Variants in MYO5B observed in about 807,000 individuals in gnomAD.
The protein encoded by MYO5B is unconventional myosin-Vb.
In MYO5B, 143 loss-of-function variants were observed where a neutral mutation model predicts 229.3. The observed-to-expected ratio is 0.62, with a 90% confidence interval of 0.54 to 0.72. The LOEUF is 0.72. MYO5B is among the 30% of genes least tolerant of loss of function. The probability of loss-of-function intolerance (pLI) is 0.00; values close to 1 mark genes in which losing one functional copy is unlikely to be tolerated. For synonymous variants in MYO5B, 918 were observed against 885.2 expected, an observed-to-expected ratio of 1.04 and a Z score of -0.66; for missense variants, 2,321 against 2,331.0, an observed-to-expected ratio of 1.00 and a Z score of 0.09.
intron 1 of MYO5B, among the ~76,000 whole-genome samples, chr18:50,149,583 G>C (rs1422283312): frequency 1.3e-5 from 2 of 149,616 alleles, no homozygotes; most frequent in Non-Finnish European, 3.0e-5. Context: ...AAGCAATGGG[G>C]AAAGGATTCC....
intron 1 of MYO5B, among the ~76,000 whole-genome samples, chr18:50,081,198 T>C (rs2031211962): frequency 6.6e-6 from 1 of 152,062 alleles, no homozygotes; most frequent in Non-Finnish European, 1.5e-5. Context: ...CTTCAGTGGG[T>C]CCTTCTGTTG....
intron 4 of MYO5B, among the ~76,000 whole-genome samples, chr18:50,024,582 G>A (rs577957942): frequency 3.3e-5 from 5 of 152,176 alleles, no homozygotes; most frequent in South Asian, 4.2e-4. Context: ...ATTAATTTCC[G>A]TCATCTTTTG....
chr18:50,149,766 C>A (rs143035602), intron 1 of MYO5B, among the ~76,000 whole-genome samples: 5 of 151,682 alleles, frequency 3.3e-5, no homozygotes, highest in Non-Finnish European at 5.9e-5. Flanking sequence ...ATTCAGGACA[C>A]AGGCACGGGC....
intron 17 of MYO5B, among the ~76,000 whole-genome samples, chr18:49,915,656 A>C (rs2025005640): frequency 6.6e-6 from 1 of 152,262 alleles, no homozygotes; most frequent in Non-Finnish European, 1.5e-5. Context: ...TTAACAATGG[A>C]AACATTTAAG....
chr18:50,129,722 A>G (rs1277666803), intron 1 of MYO5B, among the ~76,000 whole-genome samples: 2 of 152,212 alleles, frequency 1.3e-5, no homozygotes, highest in African/African-American at 4.8e-5. Context: ...AGTCCAGGCA[A>G]GAATCTAGAT....
intron 8 of MYO5B, among the ~76,000 whole-genome samples, chr18:49,984,222 C>T (rs539407856): frequency 3.9e-5 from 6 of 152,346 alleles, no homozygotes; most frequent in African/African-American, 7.2e-5. Context: ...AGGATTCCAA[C>T]GCTAAAGCTC....
At chr18:49,963,968 A>T (rs1486383401) in intron 10 of MYO5B, among the ~76,000 whole-genome samples, 2 of 152,142 alleles carry the variant, frequency 1.3e-5, no homozygotes, top group African/African-American at 2.4e-5. Context: ...CTTAATTAAC[A>T]CAGGTGCCCA....
intron 4 of MYO5B, among the ~76,000 whole-genome samples, chr18:50,018,748 G>A (rs2026243199): frequency 6.6e-6 from 1 of 152,170 alleles, no homozygotes; most frequent in African/African-American, 2.4e-5. Context: ...TTCTTACGAT[G>A]ATAAAGGGGG....
intron 1 of MYO5B, among the ~76,000 whole-genome samples, chr18:50,157,132 G>C (rs1336787843): frequency 6.6e-6 from 1 of 151,508 alleles, no homozygotes; most frequent in South Asian, 2.1e-4. Flanking sequence ...GGGGGACGGA[G>C]TCTCGCTCTG....
At position 49,872,250 on chromosome 18, in the gene MYO5B, C is replaced by A; in HGVS notation, c.3538-18G>T. 1 of 1,613,468 alleles carries A rather than the reference C, an allele frequency of 6.2e-7. No homozygotes were observed. The highest frequency in any genetic ancestry group is 1.1e-5 in the South Asian group (1 of 91,060). On this transcript the variant is annotated intron_variant, in intron 26 of 39. Transcript: ENST00000285039. ...GGTTCCGCCTGCATGGATAGAGACA[C>A]AAAGATAAGTGCAGACCTCGAGCAA...
At chr18:50,087,443 C>A (rs184007520) in intron 1 of MYO5B, among the ~76,000 whole-genome samples, 1 of 151,762 alleles carries the variant, frequency 6.6e-6, no homozygotes, top group Non-Finnish European at 1.5e-5. Context: ...TGTGGTGGCA[C>A]GCGCCTGTAA....
chr18:50,021,706 A>C, intron 4 of MYO5B, among the ~76,000 whole-genome samples: 2 of 108,774 alleles, frequency 1.8e-5, no homozygotes, highest in African/African-American at 3.7e-5. Flanking sequence ...ACAACACCCC[A>C]TCCCATCTGC....
chr18:49,960,951 A>G (rs1365957358), intron 12 of MYO5B, among the ~76,000 whole-genome samples: 1 of 152,200 alleles, frequency 6.6e-6, no homozygotes, highest in Non-Finnish European at 1.5e-5. Flanking sequence ...CCAGCTTAGC[A>G]TCCCAGAGGC....
chr18:50,041,985 G>A (rs533200858), intron 2 of MYO5B, among the ~76,000 whole-genome samples: 1 of 152,202 alleles, frequency 6.6e-6, no homozygotes, highest in South Asian at 2.1e-4. Flanking sequence ...CACATGAACA[G>A]ATGAAAAACT....
intron 22 of MYO5B, among the ~76,000 whole-genome samples, chr18:49,881,605 A>G (rs1169241212): frequency 6.6e-6 from 1 of 152,060 alleles, no homozygotes; most frequent in Non-Finnish European, 1.5e-5. Context: ...GATCGAGACC[A>G]TCCTGGCTAA....
intron 1 of MYO5B, among the ~76,000 whole-genome samples, chr18:50,100,679 T>A (rs951926546): frequency 6.6e-6 from 1 of 152,196 alleles, no homozygotes; most frequent in South Asian, 2.1e-4. Flanking sequence ...ATACTATGCA[T>A]GCATCTCCCC....
intron 9 of MYO5B, among the ~76,000 whole-genome samples, chr18:49,976,129 G>A (rs1053028482): frequency 6.6e-6 from 1 of 152,182 alleles, no homozygotes; most frequent in African/African-American, 2.4e-5. Context: ...GCTTATTAAC[G>A]CTGAGGCTGA....
chr18:50,026,998 T>C (rs1187974974), intron 4 of MYO5B, among the ~76,000 whole-genome samples: 1 of 152,174 alleles, frequency 6.6e-6, no homozygotes, highest in Non-Finnish European at 1.5e-5. Flanking sequence ...GCATGTTCCT[T>C]TGCTGCAAAA....
intron 14 of MYO5B, among the ~76,000 whole-genome samples, chr18:49,943,158 T>C (rs7243637): frequency 0.2 from 27,558 of 140,706 alleles, 3,109 homozygotes; most frequent in African/African-American, 0.34. Flanking sequence ...TAGGTGGGAA[T>C]TGAACAATGA....
Sources: gnomAD v4.1 joint callset for allele counts (sites outside exome capture counted in the v4.1 genomes callset) on GRCh38, gnomAD v4.1.1 for gene constraint, MANE v1.5 for transcripts, NCBI Gene and HGNC (gene_info 2026-07-23, HGNC 2026-07-21) for gene names.